Variants in HYAL4 observed in about 807,000 individuals in gnomAD.
HYAL4 encodes the protein hyaluronidase-4.
In HYAL4, 37 loss-of-function variants were observed where a neutral mutation model predicts 35.2. The observed-to-expected ratio is 1.05, with a 90% CI of 0.81 to 1.38. The LOEUF is 1.38. Among genes scored for constraint, HYAL4 ranks in the 40% most tolerant of loss-of-function variants. The pLI is 0.00. For missense variants in HYAL4, 572 were observed against 572.4 expected, an observed-to-expected ratio of 1.00 and a Z score of 0.01; for synonymous variants, 198 against 203.2, an observed-to-expected ratio of 0.97 and a Z score of 0.22.
the HYAL4 span, among the ~76,000 whole-genome samples, chr7:123,777,113 A>G: frequency 1.3e-5 from 2 of 152,164 alleles, no homozygotes; most frequent in Non-Finnish European, 2.9e-5. Context: ...ACCATTTTGA[A>G]GCCATACGCC....
intron 1 of HYAL4, among the ~76,000 whole-genome samples, chr7:123,833,544 C>G (rs549106940): frequency 8.7e-4 from 132 of 152,244 alleles, no homozygotes; most frequent in African/African-American, 3.0e-3. Flanking sequence ...GTTTACTCTG[C>G]TGACTGTTCC....
the HYAL4 span, among the ~76,000 whole-genome samples, chr7:123,765,895 G>C: frequency 6.6e-6 from 1 of 152,080 alleles, no homozygotes; most frequent in Non-Finnish European, 1.5e-5. Flanking sequence ...TTTATTCTCT[G>C]GATGTGTTCT....
chr7:123,769,729 A>G, the HYAL4 span, among the ~76,000 whole-genome samples: 5 of 152,054 alleles, frequency 3.3e-5, no homozygotes, highest in Admixed American at 3.3e-4. Context: ...CACAATGCAA[A>G]CATCGGTCTG....
chr7:123,842,166 A>C (rs1423189224), upstream of HYAL4, among the ~76,000 whole-genome samples: 1 of 152,036 alleles, frequency 6.6e-6, no homozygotes. Flanking sequence ...ACACTGCTTT[A>C]AATGTGTCCC....
At chr7:123,813,574 T>C in the HYAL4 span, among the ~76,000 whole-genome samples, 3 of 152,246 alleles carry the variant, frequency 2.0e-5, no homozygotes, top group Non-Finnish European at 2.9e-5. Flanking sequence ...TATTTCAGCC[T>C]ATGCTAGTTC....
At chr7:123,836,507 A>G (rs547399662) in intron 1 of HYAL4, among the ~76,000 whole-genome samples, 10 of 152,244 alleles carry the variant, frequency 6.6e-5, no homozygotes, top group Non-Finnish European at 1.3e-4. Context: ...CAGCATTGAT[A>G]GTTGGTTGGT....
the HYAL4 span, among the ~76,000 whole-genome samples, chr7:123,783,961 T>C: frequency 6.6e-6 from 1 of 152,242 alleles, no homozygotes; most frequent in African/African-American, 2.4e-5. Flanking sequence ...ATAATTGTCA[T>C]AAAATGTGTT....
At chr7:123,811,751 G>A in the HYAL4 span, among the ~76,000 whole-genome samples, 4 of 152,098 alleles carry the variant, frequency 2.6e-5, no homozygotes, top group South Asian at 2.1e-4. Flanking sequence ...TCATCTGCTT[G>A]TCTAAGGTAA....
At position 123,868,739 on chromosome 7, in the gene HYAL4, A is replaced by G; in HGVS notation, c.466A>G (p.Asn156Asp). Reference sequence around the variant, plus strand: ...ATATTGGCGACCACAGTGGGCCCGGAACTGGAACTCAAAAGATGTTTACAG... The same window carrying G: ...ATATTGGCGACCACAGTGGGCCCGGGACTGGAACTCAAAAGATGTTTACAG... ...WEYWRPQWAR[N>D]WNSKDVYRQK... The change falls in exon 3 of 5, where the codon AAC (asparagine) becomes GAC (aspartate). Residue 156 changes from asparagine (N) to aspartate (D), a missense_variant. Transcript: ENST00000223026. 1 of 1,614,104 alleles carries G rather than the reference A, an allele frequency of 6.2e-7. No homozygotes were observed. Among genetic ancestry groups the G allele is most frequent in the Non-Finnish European group, 8.5e-7 (1 of 1,180,018 alleles).
At chr7:123,814,858 C>T in the HYAL4 span, 3 of 134,382 alleles carry the variant, frequency 2.2e-5, no homozygotes, top group Admixed American at 7.1e-5. Context: ...AGCACTTTAT[C>T]CTTCAATACA....
the HYAL4 span, among the ~76,000 whole-genome samples, chr7:123,788,929 C>T: frequency 6.6e-6 from 1 of 152,144 alleles, no homozygotes; most frequent in Non-Finnish European, 1.5e-5. Context: ...GCTTTTCATC[C>T]TTTCTCTATC....
rs539728530 is a variant in HYAL4, at chr7:123,862,595, A to G, written c.-51-5628A>G. On this transcript the variant is annotated intron_variant, in intron 2 of 4. Transcript: ENST00000223026. ...TTGAGAACAGGCACTTAGAGTTGCA[A>G]TCAAAATGAAAACAAATTAGTGCAA... Among the ~76,000 whole-genome samples the G allele has an allele frequency of 1.2e-3, 182 of 152,354 alleles. 1 individual carries two copies. Among genetic ancestry groups the G allele is most frequent in the African/African-American group, 4.3e-3 (179 of 41,588 alleles).
At chr7:123,788,374 A>G in the HYAL4 span, among the ~76,000 whole-genome samples, 1 of 152,370 alleles carries the variant, frequency 6.6e-6, no homozygotes, top group Middle Eastern at 3.4e-3. Flanking sequence ...GCATTAAAAT[A>G]TGAAACTAGT....
chr7:123,862,561 A>T (rs1056232805), intron 2 of HYAL4, among the ~76,000 whole-genome samples: 1 of 152,198 alleles, frequency 6.6e-6, no homozygotes, highest in African/African-American at 2.4e-5. Flanking sequence ...AAAACATCGC[A>T]CTGGGTGTTT....
chr7:123,798,742 G>A, the HYAL4 span, among the ~76,000 whole-genome samples: 3 of 152,176 alleles, frequency 2.0e-5, no homozygotes, highest in Non-Finnish European at 2.9e-5. Context: ...GACTGAGGTA[G>A]TGAAAAGTCC....
chr7:123,814,333 T>A, the HYAL4 span: 1 of 152,642 alleles, frequency 6.6e-6, no homozygotes, highest in Admixed American at 6.5e-5. Flanking sequence ...TTATATCAAA[T>A]CCTTTAGAGA....
At chr7:123,786,517 T>G in the HYAL4 span, among the ~76,000 whole-genome samples, 1 of 152,024 alleles carries the variant, frequency 6.6e-6, no homozygotes, top group Non-Finnish European at 1.5e-5. Context: ...CAGCTTTATT[T>G]TTTTTTTTTG....
At chr7:123,851,956 C>T (rs1012023319) in intron 2 of HYAL4, among the ~76,000 whole-genome samples, 1 of 152,178 alleles carries the variant, frequency 6.6e-6, no homozygotes, top group Non-Finnish European at 1.5e-5. Context: ...GATGGTATCT[C>T]ATTGTAGTTT....
At chr7:123,780,738 C>T in the HYAL4 span, among the ~76,000 whole-genome samples, 1 of 150,908 alleles carries the variant, frequency 6.6e-6, no homozygotes, top group Non-Finnish European at 1.5e-5. Context: ...AATTCTTCTG[C>T]CTTGAGATTC....
Sources: gnomAD v4.1 joint callset for allele counts (sites outside exome capture counted in the v4.1 genomes callset) on GRCh38, gnomAD v4.1.1 for gene constraint, MANE v1.5 for transcripts, NCBI Gene and HGNC (gene_info 2026-07-23, HGNC 2026-07-21) for gene names.